Variants in EXOC6B observed in about 807,000 individuals in gnomAD.
The protein encoded by EXOC6B is SEC15 homolog B.
EXOC6B carries 54 observed loss-of-function variants against 113.5 expected under a neutral mutation model. That is an observed-to-expected ratio of 0.48 (90% CI 0.38 to 0.60). EXOC6B has a LOEUF of 0.60. Ranked by LOEUF, EXOC6B falls within the 20% of genes least tolerant of loss-of-function variation. The pLI, the probability that EXOC6B is intolerant of heterozygous loss-of-function variation, is 0.00. For synonymous variants in EXOC6B, 357 were observed against 339.0 expected, an observed-to-expected ratio of 1.05 and a Z score of -0.58; for missense variants, 797 against 977.5, an observed-to-expected ratio of 0.82 and a Z score of 2.46.
At chr2:72,710,729 C>T (rs1028230638) in intron 6 of EXOC6B, among the ~76,000 whole-genome samples, 2 of 152,140 alleles carry the variant, frequency 1.3e-5, no homozygotes, top group African/African-American at 4.8e-5. Context: ...CTACACCATA[C>T]ATTAAAGAGT....
chr2:72,397,673 C>A (rs1158296931), intron 18 of EXOC6B, among the ~76,000 whole-genome samples: 1 of 121,482 alleles, frequency 8.2e-6, no homozygotes, highest in African/African-American at 4.6e-5. Flanking sequence ...TATATATATA[C>A]ACTCATATAT....
intron 18 of EXOC6B, among the ~76,000 whole-genome samples, chr2:72,428,002 AAG>A (rs1433492086): frequency 6.6e-6 from 1 of 152,104 alleles, no homozygotes; most frequent in African/African-American, 2.4e-5. Flanking sequence ...CCTGCCTGCA[AAG>A]AGGAGCTACC....
intron 20 of EXOC6B, among the ~76,000 whole-genome samples, chr2:72,208,022 C>T (rs772702032): frequency 6.6e-5 from 10 of 152,120 alleles, no homozygotes; most frequent in Non-Finnish European, 1.3e-4. Flanking sequence ...CTAACTGGGA[C>T]AAGTGAGTGA....
intron 18 of EXOC6B, among the ~76,000 whole-genome samples, chr2:72,461,216 G>C (rs1697640578): frequency 9.5e-6 from 1 of 104,926 alleles, no homozygotes; most frequent in South Asian, 4.4e-4. Flanking sequence ...TGTGGGGTGG[G>C]GGGAGGGGGG....
chr2:72,593,103 C>T (rs1005092942), intron 6 of EXOC6B, among the ~76,000 whole-genome samples: 3 of 152,104 alleles, frequency 2.0e-5, no homozygotes, highest in Non-Finnish European at 4.4e-5. Context: ...AGATGGGGAA[C>T]ACATCAAGAT....
At chr2:72,456,047 T>A (rs1697213304) in intron 18 of EXOC6B, among the ~76,000 whole-genome samples, 1 of 152,112 alleles carries the variant, frequency 6.6e-6, no homozygotes, top group African/African-American at 2.4e-5. Context: ...CTTCCATATT[T>A]GTTAAATGGG....
chr2:72,677,360 AT>A (rs1235683079), intron 6 of EXOC6B, among the ~76,000 whole-genome samples: 1 of 152,062 alleles, frequency 6.6e-6, no homozygotes, highest in Non-Finnish European at 1.5e-5. Flanking sequence ...GTGAAACCCT[AT>A]CTTTATTTTT....
intron 6 of EXOC6B, among the ~76,000 whole-genome samples, chr2:72,610,921 T>C (rs986634833): frequency 6.6e-6 from 1 of 152,174 alleles, no homozygotes; most frequent in Non-Finnish European, 1.5e-5. Context: ...AGTGATGTCA[T>C]GTAGATATCA....
intron 6 of EXOC6B, among the ~76,000 whole-genome samples, chr2:72,675,741 C>G (rs2104520664): frequency 2.0e-5 from 3 of 152,024 alleles, no homozygotes; most frequent in Admixed American, 2.0e-4. Flanking sequence ...CTGCAGTGAG[C>G]CAAGATCACA....
At chr2:72,676,035 A>G (rs1007760403) in intron 6 of EXOC6B, among the ~76,000 whole-genome samples, 6 of 151,984 alleles carry the variant, frequency 3.9e-5, no homozygotes, top group Non-Finnish European at 1.5e-5. Context: ...CTCATTGAAT[A>G]GAAGATAGAC....
chr2:72,345,645 A>G (rs1689284447), intron 19 of EXOC6B, among the ~76,000 whole-genome samples: 1 of 152,184 alleles, frequency 6.6e-6, no homozygotes, highest in Non-Finnish European at 1.5e-5. Flanking sequence ...TGGAGACAGT[A>G]AAGGATCAGA....
chr2:72,198,870 T>A (rs1272237650), intron 20 of EXOC6B, among the ~76,000 whole-genome samples: 1 of 152,176 alleles, frequency 6.6e-6, no homozygotes, highest in Non-Finnish European at 1.5e-5. Context: ...GGTGCATGGG[T>A]CAGGAAAGTC....
rs537805682 is a variant in EXOC6B, at chr2:72,319,387, G to A, written c.2196+15560C>T. The stretch of plus-strand genomic sequence containing the variant: ...CTCAGCACCTATTTAACCTTGTACT[G>A]GAGTTCCTAGTGCAATAAGACCAAA... On this transcript the variant is annotated intron_variant, in intron 20 of 21. Coordinates refer to ENST00000272427, the MANE Select transcript of EXOC6B (RefSeq NM_015189.3). Among the ~76,000 whole-genome samples, 8 of 152,168 alleles carry A rather than the reference G, an allele frequency of 5.3e-5. No homozygotes were observed. In the East Asian group the frequency reaches 1.2e-3, roughly 22 times the overall value.
rs188891633 is a variant in EXOC6B, at chr2:72,452,270, A to C, written c.1980+12890T>G. Among the ~76,000 whole-genome samples the C allele has an allele frequency of 2.7e-3, 411 of 152,350 alleles. 1 individual carries two copies. The highest frequency in any genetic ancestry group is 4.7e-3 in the Non-Finnish European group (317 of 68,028). The stretch of plus-strand genomic sequence containing the variant: ...TGAGTTGGAGGACACTATTCCATGC[A>C]TGATGTCCCTGTTAGACATTCCAAT... On this transcript the variant is annotated intron_variant, in intron 18 of 21. Transcript: ENST00000272427.
chr2:72,785,548 C>G (rs1448086140), intron 1 of EXOC6B, among the ~76,000 whole-genome samples: 1 of 152,236 alleles, frequency 6.6e-6, no homozygotes, highest in Non-Finnish European at 1.5e-5. Flanking sequence ...ATCTGTGAAC[C>G]CACATGCTCA....
intron 2 of EXOC6B, among the ~76,000 whole-genome samples, chr2:72,736,819 G>A (rs1046056359): frequency 3.9e-5 from 6 of 152,192 alleles, no homozygotes; most frequent in African/African-American, 1.4e-4. Flanking sequence ...TGGGAGAAGT[G>A]TGGGATAGAG....
At chr2:72,316,100 T>C (rs899875236) in intron 20 of EXOC6B, among the ~76,000 whole-genome samples, 3 of 152,152 alleles carry the variant, frequency 2.0e-5, no homozygotes, top group South Asian at 4.1e-4. Flanking sequence ...ATATGTCTTA[T>C]AGAGACATAA....
At chr2:72,333,613 A>G (rs1037188362) in intron 20 of EXOC6B, among the ~76,000 whole-genome samples, 1 of 152,128 alleles carries the variant, frequency 6.6e-6, no homozygotes, top group Non-Finnish European at 1.5e-5. Context: ...TGCTACATCT[A>G]CAGGTGGAAG....
chr2:72,340,360 A>G (rs961965002), intron 19 of EXOC6B, among the ~76,000 whole-genome samples: 1 of 152,188 alleles, frequency 6.6e-6, no homozygotes, highest in Non-Finnish European at 1.5e-5. Flanking sequence ...ATAGAACAGG[A>G]AGAGCTTTCA....
Sources: allele counts gnomAD v4.1 joint callset (sites outside exome capture counted in the v4.1 genomes callset), GRCh38; gene constraint gnomAD v4.1.1; transcripts MANE v1.5; gene names NCBI Gene and HGNC (gene_info 2026-07-23, HGNC 2026-07-21).